Variants in MCC observed in about 807,000 individuals in gnomAD.
The protein encoded by MCC is MCC regulator of Wnt signaling pathway.
In MCC, 90 loss-of-function variants were observed where a neutral mutation model predicts 116.2. The ratio of observed to expected loss-of-function variants is 0.77; its 90% CI spans 0.65 to 0.92. MCC has a LOEUF of 0.92. Ranked by LOEUF, MCC falls within the 40% of genes least tolerant of loss-of-function variation. MCC has a pLI of 0.00. For missense variants in MCC, 1,516 were observed against 1,312.2 expected (o/e 1.16, Z -2.40); for synonymous variants, 578 against 510.5 (o/e 1.13, Z -1.78).
intron 3 of MCC, among the ~76,000 whole-genome samples, chr5:113,290,448 T>A (rs11740045): frequency 0.15 from 22,650 of 152,150 alleles, 2,444 homozygotes; most frequent in Admixed American, 0.28. Context: ...ATGATTGCCA[T>A]GGGAGAAATT....
intron 3 of MCC, among the ~76,000 whole-genome samples, chr5:113,179,231 C>G (rs58319162): frequency 5.9e-5 from 9 of 152,174 alleles, no homozygotes. Context: ...AACAGTACCA[C>G]AGAACACCCT....
intron 6 of MCC, 193 bp from the exon 7 acceptor site, chr5:113,104,548 GTT>G: frequency 2.3e-6 from 1 of 437,580 alleles, no homozygotes; most frequent in South Asian, 6.0e-5. Context: ...TTATTAAAGA[GTT>G]TCAGATGATG....
intron 3 of MCC, among the ~76,000 whole-genome samples, chr5:113,276,172 C>T (rs1003376577): frequency 6.6e-6 from 1 of 152,046 alleles, no homozygotes; most frequent in Non-Finnish European, 1.5e-5. Flanking sequence ...GCCCCACACG[C>T]CTCCCCTGAC....
At chr5:113,055,205 G>A (rs931396566) in intron 14 of MCC, among the ~76,000 whole-genome samples, 20 of 152,196 alleles carry the variant, frequency 1.3e-4, no homozygotes, top group Admixed American at 7.9e-4. Flanking sequence ...GACTTGGGCC[G>A]CAGCCTCGTC....
At chr5:113,179,703 T>C (rs1357294516) in intron 3 of MCC, among the ~76,000 whole-genome samples, 2 of 152,196 alleles carry the variant, frequency 1.3e-5, no homozygotes, top group Non-Finnish European at 1.5e-5. Context: ...AAAAGGATTT[T>C]GCTGTAAAAT....
At chr5:113,257,917 T>G (rs2150347030) in intron 3 of MCC, among the ~76,000 whole-genome samples, 1 of 152,150 alleles carries the variant, frequency 6.6e-6, no homozygotes, top group South Asian at 2.1e-4. Context: ...GGAGGACAGA[T>G]GGATAGATGG....
rs185740908 is a variant in MCC, at chr5:113,143,171, A to C, written c.884+47T>G. 36 of 1,526,690 alleles carry C rather than the reference A, an allele frequency of 2.4e-5. No homozygotes were observed. The African/African-American group carries it at 4.2e-4, about 18-fold the overall frequency. 94.6% of individuals were successfully genotyped at this position (1,526,690 alleles called of 1,614,324 possible). Reference sequence around the variant, plus strand: ...TGGGGCTACTTCAGCTCCAAGATGGAGGGTTTAGCAGAAGGGGCAGAGTAA... The same window carrying C: ...TGGGGCTACTTCAGCTCCAAGATGGCGGGTTTAGCAGAAGGGGCAGAGTAA... On this transcript the variant is annotated intron_variant, in intron 5 of 18. Transcript: ENST00000408903.
chr5:113,320,905 A>G (rs1166420539), intron 3 of MCC, among the ~76,000 whole-genome samples: 2 of 152,232 alleles, frequency 1.3e-5, no homozygotes, highest in Non-Finnish European at 1.5e-5. Flanking sequence ...CAGAGTACCA[A>G]TGTAACACTC....
chr5:113,166,311 C>A (rs1760764258), intron 3 of MCC, among the ~76,000 whole-genome samples: 1 of 152,112 alleles, frequency 6.6e-6, no homozygotes, highest in South Asian at 2.1e-4. Context: ...TTTTACAATA[C>A]AAAAACTAAA....
chr5:113,109,696 T>C (rs756554130), intron 6 of MCC, among the ~76,000 whole-genome samples: 1 of 152,172 alleles, frequency 6.6e-6, no homozygotes, highest in African/African-American at 2.4e-5. Context: ...AATGAGGAGA[T>C]ATAAGCAAAT....
chr5:113,257,194 A>G (rs186603552), intron 3 of MCC, among the ~76,000 whole-genome samples: 1 of 152,266 alleles, frequency 6.6e-6, no homozygotes, highest in African/African-American at 2.4e-5. Context: ...GGCTTTTGGC[A>G]TATACTCCAG....
intron 1 of MCC, among the ~76,000 whole-genome samples, chr5:113,441,294 C>T (rs976422358): frequency 6.6e-6 from 1 of 152,096 alleles, no homozygotes; most frequent in African/African-American, 2.4e-5. Flanking sequence ...CAGATGGTGC[C>T]ACTGCACCAT....
intron 12 of MCC, among the ~76,000 whole-genome samples, chr5:113,069,415 G>C (rs1424687075): frequency 6.6e-6 from 1 of 152,238 alleles, no homozygotes; most frequent in Non-Finnish European, 1.5e-5. Flanking sequence ...GTCCACACAA[G>C]AGGAGGTGGA....
At chr5:113,204,690 T>G (rs150325654) in intron 3 of MCC, 1 of 152,076 alleles carries the variant, frequency 6.6e-6, no homozygotes, top group African/African-American at 2.4e-5. Context: ...CCAGGAGAAA[T>G]TGTGCAAGCG....
At chr5:113,362,991 A>T in intron 2 of MCC, among the ~76,000 whole-genome samples, 1 of 152,182 alleles carries the variant, frequency 6.6e-6, no homozygotes, top group Non-Finnish European at 1.5e-5. Flanking sequence ...CTATTAAAAA[A>T]AAACCTGGCC....
intron 5 of MCC, among the ~76,000 whole-genome samples, chr5:113,140,385 C>T (rs1024461305): frequency 4.6e-5 from 7 of 152,206 alleles, no homozygotes; most frequent in Non-Finnish European, 1.0e-4. Context: ...TTATTTGAAT[C>T]TACCCAAATG....
At chr5:113,232,007 T>C (rs1763956209) in intron 3 of MCC, among the ~76,000 whole-genome samples, 1 of 152,198 alleles carries the variant, frequency 6.6e-6, no homozygotes, top group East Asian at 1.9e-4. Flanking sequence ...CCTGGTTTTA[T>C]AATGTAGACT....
intron 6 of MCC, among the ~76,000 whole-genome samples, chr5:113,117,958 ACAT>A (rs1757488903): frequency 6.6e-6 from 1 of 152,236 alleles, no homozygotes; most frequent in Admixed American, 6.5e-5. Flanking sequence ...TAAGCAAATG[ACAT>A]CAACCACTGG....
chr5:113,032,504 C>G (rs1338324193), intron 17 of MCC, among the ~76,000 whole-genome samples: 3 of 150,654 alleles, frequency 2.0e-5, no homozygotes, highest in South Asian at 2.1e-4. Flanking sequence ...TCATGTGTGT[C>G]TCTACTTTTT....
Sources: allele counts gnomAD v4.1 joint callset (sites outside exome capture counted in the v4.1 genomes callset), GRCh38; gene constraint gnomAD v4.1.1; transcripts MANE v1.5; gene names NCBI Gene and HGNC (gene_info 2026-07-23, HGNC 2026-07-21).